The following PC variants were observed in gnomAD, a reference collection of about 807,000 sequenced individuals.
PC encodes the protein pyruvate carboxylase, mitochondrial.
PC carries 46 observed loss-of-function variants against 107.8 expected under a neutral mutation model. The ratio of observed to expected loss-of-function variants is 0.43; its 90% CI spans 0.34 to 0.55. The LOEUF is 0.55. Ranked by LOEUF, PC falls within the 20% of genes least tolerant of loss-of-function variation. The pLI, the probability that PC is intolerant of heterozygous loss-of-function variation, is 0.04. For synonymous variants in PC, 662 were observed against 684.7 expected (o/e 0.97, Z 0.52); for missense variants, 1,241 against 1,643.1 (o/e 0.76, Z 4.23).
chr11:66,888,057 G>A (rs1806425500), intron 3 of PC, among the ~76,000 whole-genome samples: 1 of 152,192 alleles, frequency 6.6e-6, no homozygotes, highest in Non-Finnish European at 1.5e-5. Context: ...ATGGCATTCG[G>A]GGCCCACCTG....
chr11:66,871,216 G>T lies in PC; in HGVS notation c.488-19C>A, dbSNP rs1239946430. On this transcript the variant is annotated intron_variant, in intron 6 of 22. Transcript: ENST00000393960. The surrounding 1 kb of genome is among the most constrained non-coding windows in gnomAD (Gnocchi z 7.4). Reference sequence around the variant, plus strand: ...GGAACACCTGTTGGGAGAAAGGTGTGGGGGAGTCTCTGTAACAGGCGGGAA... The same window carrying T: ...GGAACACCTGTTGGGAGAAAGGTGTTGGGGAGTCTCTGTAACAGGCGGGAA... 6.2e-7 allele frequency: 1 copy of T among 1,613,062 alleles called. No individual in the cohort carries two copies. Among genetic ancestry groups the T allele is most frequent in the South Asian group, 1.1e-5 (1 of 91,012 alleles).
chr11:66,881,828 G>A (rs538566841), intron 3 of PC, among the ~76,000 whole-genome samples: 5 of 152,300 alleles, frequency 3.3e-5, no homozygotes, highest in African/African-American at 7.2e-5. Flanking sequence ...CCTGGAGCCC[G>A]CTTCATATGG....
Position 66,870,912 on chromosome 11 carries a change from C to A in PC, c.634-20G>T. The A allele has an allele frequency of 6.2e-7, 1 of 1,608,388 alleles. No individual in the cohort carries two copies. The highest frequency in any genetic ancestry group is 2.2e-5 in the East Asian group (1 of 44,858). ...CAGCTCCTGCGAGGGCGGGCAGGGG[C>A]CAGCCAGACCTCAGACCCCACAGCG... On this transcript the variant is annotated intron_variant, in intron 7 of 22. Coordinates refer to ENST00000393960, the MANE Select transcript of PC (RefSeq NM_001040716.2). This position sits in a 1 kb window ranked among gnomAD's most constrained non-coding sequence, Gnocchi z 6.1.
intron 21 of PC, 73 bp downstream of exon 21, chr11:66,849,538 C>G: frequency 6.2e-7 from 1 of 1,612,330 alleles, no homozygotes; most frequent in Non-Finnish European, 8.5e-7. Context: ...GGCTGGGTGA[C>G]AGCCAAGCTA....
intron 3 of PC, among the ~76,000 whole-genome samples, chr11:66,945,427 G>GA (rs1388064432): frequency 1.2e-5 from 1 of 86,140 alleles, no homozygotes; most frequent in Non-Finnish European, 2.3e-5. Context: ...TTGGGGGGGC[G>GA]GGTCGGAACT....
chr11:66,861,727 A>G (rs1290832978), intron 12 of PC, among the ~76,000 whole-genome samples: 1 of 152,144 alleles, frequency 6.6e-6, no homozygotes, highest in African/African-American at 2.4e-5. Context: ...GGAGGCGGCT[A>G]GAGCCAGCGG....
intron 3 of PC, among the ~76,000 whole-genome samples, chr11:66,929,559 G>C (rs575649136): frequency 6.6e-6 from 1 of 152,232 alleles, no homozygotes; most frequent in South Asian, 2.1e-4. Flanking sequence ...TAGAGACAAG[G>C]TTTCACCATG....
chr11:66,909,264 G>A (rs1218978450), intron 3 of PC, among the ~76,000 whole-genome samples: 1 of 152,192 alleles, frequency 6.6e-6, no homozygotes, highest in Non-Finnish European at 1.5e-5. Context: ...TGGGGCCAGA[G>A]CTGGAGGAAG....
At chr11:66,900,303 T>C (rs1412368155) in intron 3 of PC, among the ~76,000 whole-genome samples, 2 of 147,110 alleles carry the variant, frequency 1.4e-5, no homozygotes, top group African/African-American at 5.0e-5. Context: ...GCCTCCCAAC[T>C]AGCTGGGACT....
rs2135781054 is a variant in PC, at chr11:66,848,759, T to G, written c.*140A>C. On this transcript the variant is annotated 3_prime_UTR_variant, in exon 23 of 23. Coordinates refer to ENST00000393960, the MANE Select transcript of PC (RefSeq NM_001040716.2). ...GAAAGGAATGAACCACCGCAGGCGGTGTCTCTCCTGTCCAGCTGTGGACAG... is the reference window on the plus strand; with the variant it reads ...GAAAGGAATGAACCACCGCAGGCGGGGTCTCTCCTGTCCAGCTGTGGACAG... 4 of 989,654 alleles carry G rather than the reference T, an allele frequency of 4.0e-6. No homozygotes were observed. The highest frequency in any genetic ancestry group is 6.3e-6 in the Non-Finnish European group (4 of 639,738). The allele number at this position is 989,654 out of a possible 1,614,324, so 61.3% of individuals were successfully genotyped here.
chr11:66,871,362 C>T lies in PC; in HGVS notation c.440G>A (p.Arg147His), dbSNP rs748987495. Residue 147 changes from arginine to histidine, a missense_variant, in exon 6 of 23, where the codon CGC becomes CAC. This residue lies in a region of PC where 1,143 missense variants were observed against 1,551.9 expected (regional missense o/e 0.74). Coordinates refer to ENST00000393960, the MANE Select transcript of PC (RefSeq NM_001040716.2). The surrounding 1 kb of genome is among the most constrained non-coding windows in gnomAD (Gnocchi z 7.4). The stretch of plus-strand genomic sequence containing the variant: ...GGCCTCCACCTTGTCTCCCATCTTG[C>T]GGACCACTTCTGGGCTTGGCCCAAT... ...RFIGPSPEVVRKMGDKVEARA... is the reference protein window; with the variant it reads ...RFIGPSPEVVHKMGDKVEARA... The T allele has an allele frequency of 3.5e-5, 57 of 1,613,772 alleles. No individual in the cohort carries two copies. The highest frequency in any genetic ancestry group is 3.3e-4 in the East Asian group (15 of 44,896).
At chr11:66,869,072 GAA>G (rs1946619711) in intron 9 of PC, 108 bp from the exon 10 acceptor site, 6 of 844,028 alleles carry the variant, frequency 7.1e-6, no homozygotes, top group African/African-American at 6.6e-5. Context: ...TTCCGTAAAA[GAA>G]TGGCCTGTGG....
chr11:66,944,077 C>G (rs1949228722), intron 3 of PC, among the ~76,000 whole-genome samples: 1 of 116,264 alleles, frequency 8.6e-6, no homozygotes, highest in Non-Finnish European at 1.9e-5. Flanking sequence ...GTCAGGAGAT[C>G]GAGACCATCC....
intron 3 of PC, 145 bp from the exon 4 acceptor site, chr11:66,872,304 T>C: frequency 1.0e-6 from 1 of 980,138 alleles, no homozygotes; most frequent in Non-Finnish European, 1.6e-6. Context: ...GCCCAACATT[T>C]CCTGGCTCTA....
At chr11:66,910,895 A>C (rs1447346575) in intron 3 of PC, among the ~76,000 whole-genome samples, 1 of 152,196 alleles carries the variant, frequency 6.6e-6, no homozygotes, top group Non-Finnish European at 1.5e-5. Context: ...CCAGCACTGC[A>C]GTTTGAGCTC....
chr11:66,871,619 G>C lies in PC; in HGVS notation c.321+68C>G. The C allele has an allele frequency of 1.3e-6, 2 of 1,568,040 alleles. No homozygotes were observed. Among genetic ancestry groups the C allele is most frequent in the Non-Finnish European group, 1.7e-6 (2 of 1,152,654 alleles). ...GAGGCGCTGAGCACGCCAGCCTCAA[G>C]AGACCCCCGCGGCAACTAAGACTCC... On this transcript the variant is annotated intron_variant, in intron 5 of 22. Transcript: ENST00000393960. The surrounding 1 kb of genome is among the most constrained non-coding windows in gnomAD (Gnocchi z 7.4).
intron 3 of PC, among the ~76,000 whole-genome samples, chr11:66,951,201 G>A (rs2136154624): frequency 6.6e-6 from 1 of 152,270 alleles, no homozygotes; most frequent in Non-Finnish European, 1.5e-5. Flanking sequence ...ACTCAGCACT[G>A]GATATGAGCT....
At chr11:66,922,730 G>A (rs1255230291) in intron 3 of PC, among the ~76,000 whole-genome samples, 1 of 152,080 alleles carries the variant, frequency 6.6e-6, no homozygotes, top group Non-Finnish European at 1.5e-5. Flanking sequence ...AGCAACACAA[G>A]GAAGCCCAGA....
chr11:66,873,549 TTATAATATTA>T (rs1219609238), intron 3 of PC, among the ~76,000 whole-genome samples: 11 of 104,150 alleles, frequency 1.1e-4, no homozygotes, highest in Non-Finnish European at 1.4e-4. Flanking sequence ...ATATATAATA[TTATAATATTA>T]TATAATATTA....
Sources: allele counts gnomAD v4.1 joint callset (sites outside exome capture counted in the v4.1 genomes callset), GRCh38; gene constraint gnomAD v4.1.1; regional missense constraint gnomAD v4.1.1; non-coding constraint Gnocchi (gnomAD v3.1); transcripts MANE v1.5; gene names NCBI Gene and HGNC (gene_info 2026-07-23, HGNC 2026-07-21).